POLE: variants seen among roughly 807,000 people sequenced by gnomAD.
The protein encoded by POLE is DNA polymerase epsilon catalytic subunit A.
POLE carries 188 observed loss-of-function variants against 279.2 expected under a neutral mutation model. That is an observed-to-expected ratio of 0.67 (90% confidence interval 0.60 to 0.76). The LOEUF is 0.76. Among genes scored for constraint, POLE ranks in the 30% least tolerant of loss-of-function variants. The pLI, the probability that POLE is intolerant of heterozygous loss-of-function variation, is 0.00. For missense variants in POLE, 2,703 were observed against 3,016.7 expected (o/e 0.90, Z 2.44); for synonymous variants, 1,214 against 1,172.5 (o/e 1.04, Z -0.72).
At position 132,636,036 on chromosome 12, in the gene POLE, G is replaced by T. The variant is rs547834555; in HGVS notation, c.5679-12C>A. 1.2e-6 allele frequency: 2 copies of T among 1,608,778 alleles called. No homozygotes were observed. The highest frequency in any genetic ancestry group is 2.7e-5 in the African/African-American group (2 of 74,756). On this transcript the variant is annotated splice_polypyrimidine_tract_variant and intron_variant, in intron 41 of 48. Coordinates refer to ENST00000320574, the MANE Select transcript of POLE (RefSeq NM_006231.4). ...CCTTTGAATGGATGCTGCAGAGGAA[G>T]CATTGAAGACGCTGCTTCAGTGAAA...
At chr12:132,676,253 A>T (rs570738829) in intron 9 of POLE, 49 bp from the exon 10 acceptor site, 7 of 1,287,628 alleles carry the variant, frequency 5.4e-6, no homozygotes, top group Non-Finnish European at 7.9e-6. Flanking sequence ...TGCAAAGCCA[A>T]GAAATGGCGT....
At chr12:132,658,648 T>C (rs1315779181) in intron 26 of POLE, 1 of 153,932 alleles carries the variant, frequency 6.5e-6, no homozygotes, top group East Asian at 1.9e-4. Context: ...GAAACATCTG[T>C]GGTGAATACT....
At chr12:132,676,404 G>T in intron 9 of POLE, 142 bp downstream of exon 9, 1 of 719,200 alleles carries the variant, frequency 1.4e-6, no homozygotes. Flanking sequence ...GCTGGAGGTC[G>T]GAACGGCTTG....
rs77327458 is a variant in POLE at position 132,668,399 on chromosome 12, C to T, written c.2130G>A (p.Leu710=). 1 of 1,610,528 alleles carries T rather than the reference C, an allele frequency of 6.2e-7. No homozygotes were observed. Among genetic ancestry groups the T allele is most frequent in the Non-Finnish European group, 8.5e-7 (1 of 1,178,016 alleles). ...PEGPARAFHE[L]SREEQAKYEK... is the part of the protein sequence containing the mutation. ...CGTATTTCGCCTGTTCCTCGCGGGA[C>T]AGTTCATGAAAGGCCCGAGCTGGCC... The change falls in exon 19 of 49, where the codon CTG becomes CTA. Residue 710 remains leucine (L), a synonymous_variant. Coordinates refer to ENST00000320574, the MANE Select transcript of POLE (RefSeq NM_006231.4). This position sits in a 1 kb window ranked among gnomAD's most constrained non-coding sequence, Gnocchi z 4.0.
Position 132,649,825 on chromosome 12 carries a change from C to T in POLE, c.3647G>A (p.Gly1216Asp), listed in dbSNP as rs2138614734. The T allele has an allele frequency of 6.2e-7, 1 of 1,614,138 alleles. No homozygotes were observed. The highest frequency in any genetic ancestry group is 8.5e-7 in the Non-Finnish European group (1 of 1,180,024). The change falls in exon 30 of 49, where the codon GGC (glycine) becomes GAC (aspartate). Residue 1216 changes from glycine (G) to aspartate (D), a missense_variant. Around this residue, in one of 5 missense-constraint regions of POLE, gnomAD observed 1,551 missense variants for 1,686.1 expected, o/e 0.92. Coordinates refer to ENST00000320574, the MANE Select transcript of POLE (RefSeq NM_006231.4). ...TGCTGGGTGAGGCAGCTTTACGAGG[C>T]CGAAGTCCTCCATGTCAGGAGCACT... is the stretch of plus-strand genomic sequence containing the variant. ...RPSAPDMEDF[G>D]LVKLPHPAAP... is the part of the protein sequence containing the mutation.
At position 132,664,663 on chromosome 12, in the gene POLE, G is replaced by T. The variant is rs1286848072; in HGVS notation, c.2469-201C>A. Among the ~76,000 whole-genome samples, 1 of 152,172 alleles carries T rather than the reference G, an allele frequency of 6.6e-6. No homozygotes were observed. Among genetic ancestry groups the T allele is most frequent in the East Asian group, 1.9e-4 (1 of 5,188 alleles). On this transcript the variant is annotated intron_variant, in intron 21 of 48. Coordinates refer to ENST00000320574, the MANE Select transcript of POLE (RefSeq NM_006231.4). The surrounding 1 kb of genome is among the most constrained non-coding windows in gnomAD (Gnocchi z 5.3). ...TCTCTGTCCCCACCTTGGTGCCCAG[G>T]AAGGATCTGGAAGGGTGCAGTATGT... is the stretch of plus-strand genomic sequence containing the variant.
In POLE at chr12:132,664,246, G is replaced by A; in HGVS notation, c.2562-98C>T. On this transcript the variant is annotated intron_variant, in intron 22 of 48. Transcript: ENST00000320574. This position sits in a 1 kb window ranked among gnomAD's most constrained non-coding sequence, Gnocchi z 5.3. ...CCTCCTTCCTTCCTGCCCAGTGTGT[G>A]GCCTCCAGCCTTCCCTCCTTCCTTC... is the stretch of plus-strand genomic sequence containing the variant. 1 of 1,272,000 alleles carries A rather than the reference G, an allele frequency of 7.9e-7. No individual in the cohort carries two copies. The highest frequency in any genetic ancestry group is 2.1e-4 in the Middle Eastern group (1 of 4,738). 78.8% of individuals were successfully genotyped at this position (1,272,000 alleles called of 1,614,324 possible). A position where few individuals can be genotyped will look rare whatever the true frequency, so the allele number is the denominator to read the frequency against.
At chr12:132,646,788 G>A (rs749262125) in intron 32 of POLE, among the ~76,000 whole-genome samples, 12 of 120,304 alleles carry the variant, frequency 1.0e-4, no homozygotes, top group Admixed American at 1.7e-4. Flanking sequence ...GCCGAGATGC[G>A]CCACTGGACT....
At chr12:132,680,104 C>T (rs923744471) in intron 4 of POLE, 58 bp from the exon 5 acceptor site, 5 of 1,594,162 alleles carry the variant, frequency 3.1e-6, no homozygotes, top group African/African-American at 2.7e-5. Context: ...CCTTCCTTGC[C>T]TATTTCCCAG....
intron 20 of POLE, among the ~76,000 whole-genome samples, chr12:132,666,619 C>T (rs536341731): frequency 2.0e-5 from 3 of 152,290 alleles, no homozygotes; most frequent in Non-Finnish European, 4.4e-5. Flanking sequence ...AAAAGCCGGT[C>T]ACAAAGATAC....
chr12:132,636,813 A>G (rs549846357), intron 41 of POLE, among the ~76,000 whole-genome samples: 1 of 152,346 alleles, frequency 6.6e-6, no homozygotes, highest in South Asian at 2.1e-4. Context: ...AGAGGAAGGA[A>G]GGAGGAACAT....
chr12:132,636,740 G>A (rs1286360157), intron 41 of POLE, among the ~76,000 whole-genome samples: 1 of 152,120 alleles, frequency 6.6e-6, no homozygotes, highest in East Asian at 1.9e-4. Flanking sequence ...GGGTGACAGA[G>A]CAAGACCCCA....
intron 36 of POLE, 34 bp downstream of exon 36, chr12:132,642,786 G>A (rs2138537878): frequency 3.1e-6 from 5 of 1,613,388 alleles, no homozygotes; most frequent in Non-Finnish European, 4.2e-6. Flanking sequence ...CAAAGAAGAT[G>A]GGGCTCACAC....
At chr12:132,670,251 C>T (rs2042894116) in intron 16 of POLE, among the ~76,000 whole-genome samples, 1 of 151,050 alleles carries the variant, frequency 6.6e-6, no homozygotes, top group African/African-American at 2.4e-5. Context: ...TGGCAAGCGC[C>T]TGTTATCCCA....
rs1032264693 is a variant in POLE at position 132,638,133 on chromosome 12, G to A, written c.5559C>T (p.Ile1853=). 31 of 1,613,554 alleles carry A rather than the reference G, an allele frequency of 1.9e-5. No homozygotes were observed. Among genetic ancestry groups the A allele is most frequent in the Non-Finnish European group, 2.3e-5 (27 of 1,179,848 alleles). Residue 1853 remains isoleucine, a synonymous_variant, in exon 41 of 49, where the codon ATC becomes ATT. Transcript: ENST00000320574. ...NMMKKLFLQL[I]AEFKRLGSSV... is the part of the protein sequence containing the mutation. ...ATGACCCCAGGCGCTTGAACTCAGCGATGAGCCTGTGGAGCAAGTTGAGAG... is the reference window on the plus strand; with the variant it reads ...ATGACCCCAGGCGCTTGAACTCAGCAATGAGCCTGTGGAGCAAGTTGAGAG...
At chr12:132,673,316 C>G (rs1321159086) in intron 13 of POLE, 39 bp from the exon 14 acceptor site, 2 of 1,412,944 alleles carry the variant, frequency 1.4e-6, no homozygotes, top group Non-Finnish European at 2.0e-6. Flanking sequence ...CATCAAAAAT[C>G]AAGAGCCCAG....
chr12:132,643,798 A>G (rs2138557270), intron 33 of POLE, 39 bp downstream of exon 33: 1 of 1,601,428 alleles, frequency 6.2e-7, no homozygotes, highest in Non-Finnish European at 8.5e-7. Flanking sequence ...ACCCTGCTGG[A>G]GCCTCCCCCA....
rs750475909 is a variant in POLE at position 132,673,640 on chromosome 12, G to C, written c.1294C>G (p.Leu432Val). 1.2e-6 allele frequency: 2 copies of C among 1,614,004 alleles called. No individual in the cohort carries two copies. The highest frequency in any genetic ancestry group is 4.5e-5 in the East Asian group (2 of 44,890). Residue 432 changes from leucine to valine, a missense_variant, in exon 13 of 49, where the codon CTA becomes GTA. Leu to Val is a conservative substitution (Grantham distance 32). Around this residue, in one of 5 missense-constraint regions of POLE, gnomAD observed 1,011 missense variants for 1,111.7 expected, o/e 0.91. Coordinates refer to ENST00000320574, the MANE Select transcript of POLE (RefSeq NM_006231.4). Reference sequence around the variant, plus strand: ...TCTAGCTCCACGGGATCATAGCCTAGCTTGGCCTTGGCGGCCGCCTTGAGA... The same window carrying C: ...TCTAGCTCCACGGGATCATAGCCTACCTTGGCCTTGGCGGCCGCCTTGAGA... ...HNLKAAAKAK[L>V]GYDPVELDPE...
rs1252258850 is a variant in POLE at position 132,649,979 on chromosome 12, G to C, written c.3583-90C>G. 2.6e-6 allele frequency: 3 copies of C among 1,145,372 alleles called. No individual in the cohort carries two copies. The African/African-American group carries it at 4.5e-5, about 17-fold the overall frequency. 71.0% of individuals were successfully genotyped at this position (1,145,372 alleles called of 1,614,324 possible). On this transcript the variant is annotated intron_variant, in intron 29 of 48. Transcript: ENST00000320574. ...GAATGCCAGCACTTTGGGAGGCCAA[G>C]ACAGGAGAATTGCTTGGGGCCAGGA...
Sources: allele counts gnomAD v4.1 joint callset (sites outside exome capture counted in the v4.1 genomes callset), GRCh38; gene constraint gnomAD v4.1.1; regional missense constraint gnomAD v4.1.1; non-coding constraint Gnocchi (gnomAD v3.1); transcripts MANE v1.5; gene names NCBI Gene and HGNC (gene_info 2026-07-23, HGNC 2026-07-21).